Variants in PACRG observed in about 807,000 individuals in gnomAD.
PACRG encodes the protein parkin coregulated, also known as parkin coregulated gene protein.
In PACRG, 29 loss-of-function variants were observed where a neutral mutation model predicts 29.7. The observed-to-expected ratio is 0.98, with a 90% CI of 0.73 to 1.33. PACRG has a LOEUF of 1.33. PACRG is among the 40% of genes most tolerant of loss of function. The pLI is 0.00. For missense variants in PACRG, 279 were observed against 316.2 expected, an observed-to-expected ratio of 0.88 and a Z score of 0.89; for synonymous variants, 116 against 118.7, an observed-to-expected ratio of 0.98 and a Z score of 0.15.
chr6:163,215,662 T>G (rs1020736494), intron 4 of PACRG, among the ~76,000 whole-genome samples: 1 of 152,158 alleles, frequency 6.6e-6, no homozygotes, highest in Non-Finnish European at 1.5e-5. Context: ...GCCACATGCA[T>G]GACTGTGGTG....
At chr6:162,976,391 T>C (rs1584918753) in intron 2 of PACRG, among the ~76,000 whole-genome samples, 1 of 152,006 alleles carries the variant, frequency 6.6e-6, no homozygotes, top group South Asian at 2.1e-4. Context: ...GATGGAAAGG[T>C]GGGAGGGAGA....
chr6:162,732,313 C>A (rs1779831626), intron 1 of PACRG, among the ~76,000 whole-genome samples: 1 of 152,144 alleles, frequency 6.6e-6, no homozygotes, highest in Admixed American at 6.5e-5. Flanking sequence ...ATGGAGCAAT[C>A]TGCAAGAATG....
chr6:162,875,925 A>G (rs547755244), intron 2 of PACRG, among the ~76,000 whole-genome samples: 79 of 152,296 alleles, frequency 5.2e-4, no homozygotes, highest in Non-Finnish European at 9.8e-4. Flanking sequence ...TCATGTGTCT[A>G]TCTCCAGTTG....
At chr6:162,974,066 C>T (rs1316877086) in intron 2 of PACRG, among the ~76,000 whole-genome samples, 1 of 152,174 alleles carries the variant, frequency 6.6e-6, no homozygotes, top group East Asian at 1.9e-4. Flanking sequence ...TTGCAAGTAA[C>T]GTAATAATTA....
chr6:162,963,291 A>G (rs953595180), intron 2 of PACRG, among the ~76,000 whole-genome samples: 1 of 152,182 alleles, frequency 6.6e-6, no homozygotes, highest in African/African-American at 2.4e-5. Flanking sequence ...ATTATATTAG[A>G]CATTAAAAGC....
chr6:163,090,403 A>T (rs113336075), intron 4 of PACRG: 6 of 152,236 alleles, frequency 3.9e-5, no homozygotes, highest in African/African-American at 1.4e-4. Context: ...AGGACTTCAA[A>T]CTGGAGTTAT....
At chr6:162,800,180 T>C (rs566669146) in intron 1 of PACRG, among the ~76,000 whole-genome samples, 4 of 152,356 alleles carry the variant, frequency 2.6e-5, no homozygotes, top group African/African-American at 7.2e-5. Flanking sequence ...GGCCTTTTTC[T>C]ATATTTAACT....
At chr6:163,244,311 C>G (rs1459468150) in intron 4 of PACRG, among the ~76,000 whole-genome samples, 1 of 151,818 alleles carries the variant, frequency 6.6e-6, no homozygotes, top group Non-Finnish European at 1.5e-5. Context: ...TGACGTGTTT[C>G]CGTGTGAGCT....
intron 2 of PACRG, among the ~76,000 whole-genome samples, chr6:162,868,885 G>A (rs1350429863): frequency 3.3e-5 from 5 of 152,160 alleles, no homozygotes; most frequent in Non-Finnish European, 7.3e-5. Context: ...TTTTAGACCT[G>A]TTCTAGGAGG....
At chr6:163,302,791 C>T (rs139117920) in intron 4 of PACRG, among the ~76,000 whole-genome samples, 404 of 152,270 alleles carry the variant, frequency 2.7e-3, no homozygotes, top group African/African-American at 9.2e-3. Flanking sequence ...ATCGTAAGCA[C>T]GATTGGTGAG....
At chr6:162,737,424 G>T (rs1780247434) in intron 1 of PACRG, among the ~76,000 whole-genome samples, 1 of 152,112 alleles carries the variant, frequency 6.6e-6, no homozygotes, top group Non-Finnish European at 1.5e-5. Context: ...TAGTATGATG[G>T]GGAAGATCTC....
At position 162,801,081 on chromosome 6, in the gene PACRG, G is replaced by A. The variant is rs73017650; in HGVS notation, c.157-13066G>A. Among the ~76,000 whole-genome samples the A allele has an allele frequency of 4.8e-3, 727 of 152,266 alleles. 3 individuals are homozygous for A. The highest frequency in any genetic ancestry group is 0.014 in the Middle Eastern group (4 of 294). On this transcript the variant is annotated intron_variant, in intron 1 of 4. Transcript: ENST00000366888. ...TGGTCAAGCTGAAAAACCAGCTGTA[G>A]TACCAAACTGTGCTAAATCTTTTAG...
intron 2 of PACRG, among the ~76,000 whole-genome samples, chr6:163,056,839 T>A (rs1401367552): frequency 1.3e-5 from 2 of 152,182 alleles, no homozygotes; most frequent in Non-Finnish European, 2.9e-5. Context: ...GCTCTTACAG[T>A]CTCTCACGCC....
At chr6:163,158,888 T>A (rs536053508) in intron 4 of PACRG, among the ~76,000 whole-genome samples, 1 of 152,204 alleles carries the variant, frequency 6.6e-6, no homozygotes, top group African/African-American at 2.4e-5. Flanking sequence ...AAACCCATTT[T>A]GCAGTCCAGG....
intron 2 of PACRG, among the ~76,000 whole-genome samples, chr6:163,038,065 A>G (rs1434290746): frequency 6.6e-6 from 1 of 152,206 alleles, no homozygotes; most frequent in Admixed American, 6.5e-5. Flanking sequence ...ATTATTTACC[A>G]TAGGCAGCTG....
intron 2 of PACRG, among the ~76,000 whole-genome samples, chr6:162,999,858 C>T (rs1050746606): frequency 1.3e-5 from 2 of 152,136 alleles, no homozygotes; most frequent in African/African-American, 4.8e-5. Context: ...GTGTGAAATC[C>T]TTCATTTAGA....
At chr6:163,113,237 A>G (rs566389709) in intron 4 of PACRG, among the ~76,000 whole-genome samples, 22 of 152,190 alleles carry the variant, frequency 1.4e-4, no homozygotes, top group Non-Finnish European at 2.2e-4. Context: ...GAAAAAGTGG[A>G]CAAAGAGTGA....
In PACRG at chr6:163,050,482, T is replaced by G. The variant is rs1048282532; in HGVS notation, c.292-11668T>G. 2.0e-5 allele frequency among the ~76,000 whole-genome samples: 3 copies of G among 152,170 alleles called. No homozygotes were observed. In the East Asian group the frequency reaches 5.8e-4, roughly 29 times the overall value. Reference sequence around the variant, plus strand: ...TAGTCACTGCTTATTTAGTCTTAATTCATTCAACAATTTATCTACTATTAG... The same window carrying G: ...TAGTCACTGCTTATTTAGTCTTAATGCATTCAACAATTTATCTACTATTAG... On this transcript the variant is annotated intron_variant, in intron 2 of 4. Transcript: ENST00000366888.
At position 162,730,442 on chromosome 6, in the gene PACRG, C is replaced by T. The variant is rs569373668; in HGVS notation, c.156+2051C>T. 6.6e-4 allele frequency among the ~76,000 whole-genome samples: 100 copies of T among 152,194 alleles called. 2 individuals carry two copies. In the South Asian group the frequency reaches 0.02, roughly 31 times the overall value. ...GCCAACACCCTCCAAACCACTTTTC[C>T]AGTTAGATAAGTCAACATTCCAATG... On this transcript the variant is annotated intron_variant, in intron 1 of 4. Transcript: ENST00000366888.
Sources: allele counts gnomAD v4.1 joint callset (sites outside exome capture counted in the v4.1 genomes callset), GRCh38; gene constraint gnomAD v4.1.1; transcripts MANE v1.5; gene names NCBI Gene and HGNC (gene_info 2026-07-23, HGNC 2026-07-21).